FIBCD1: variants seen among roughly 807,000 people sequenced by gnomAD.
FIBCD1 encodes the protein fibrinogen C domain containing 1, also known as fibrinogen C domain-containing protein 1.
Under a neutral mutation model 45.1 loss-of-function variants are expected in FIBCD1, and 47 were observed. The observed-to-expected ratio is 1.04, with a 90% CI of 0.82 to 1.33. The LOEUF (loss-of-function observed/expected upper bound fraction) is 1.33. Among genes scored for constraint, FIBCD1 ranks in the 40% most tolerant of loss-of-function variants. The pLI, the probability that FIBCD1 is intolerant of heterozygous loss-of-function variation, is 0.00. For synonymous variants in FIBCD1, 313 were observed against 308.1 expected, an observed-to-expected ratio of 1.02 and a Z score of -0.17; for missense variants, 653 against 682.2, an observed-to-expected ratio of 0.96 and a Z score of 0.48.
intron 5 of FIBCD1, 34 bp downstream of exon 5, chr9:130,911,758 C>T: frequency 6.4e-7 from 1 of 1,564,234 alleles, no homozygotes; most frequent in East Asian, 2.4e-5. Context: ...GGGGAGGAGG[C>T]CCACCTGGGC....
chr9:130,908,433 C>T (rs1037523788), intron 5 of FIBCD1, among the ~76,000 whole-genome samples: 1 of 152,234 alleles, frequency 6.6e-6, no homozygotes, highest in African/African-American at 2.4e-5. Context: ...TGCCTTGGCC[C>T]TGCCGCCTTG....
At chr9:130,916,667 C>G (rs1298226269) in intron 4 of FIBCD1, among the ~76,000 whole-genome samples, 1 of 152,244 alleles carries the variant, frequency 6.6e-6, no homozygotes, top group East Asian at 1.9e-4. Context: ...TGGATGTGGC[C>G]AAGCACAGAG....
chr9:130,904,679 T>G (rs2133064364), intron 6 of FIBCD1, among the ~76,000 whole-genome samples: 1 of 152,162 alleles, frequency 6.6e-6, no homozygotes, highest in East Asian at 1.9e-4. Context: ...CACCACACTT[T>G]AGAGACCCAG....
intron 2 of FIBCD1, among the ~76,000 whole-genome samples, chr9:130,927,642 AGGG>A (rs1832381902): frequency 6.6e-6 from 1 of 152,160 alleles, no homozygotes. Flanking sequence ...GGGGGGCTGC[AGGG>A]GGTTGGGGAT....
At chr9:130,940,201 C>A (rs1466729372), upstream of FIBCD1, among the ~76,000 whole-genome samples, 2 of 152,192 alleles carry the variant, frequency 1.3e-5, no homozygotes, top group Admixed American at 1.3e-4. Context: ...GGGCCGCGTC[C>A]AGCCTGGGCT....
At chr9:130,911,958 C>T (rs552218149) in intron 4 of FIBCD1, 70 bp from the exon 5 acceptor site, 3 of 1,417,206 alleles carry the variant, frequency 2.1e-6, no homozygotes, top group East Asian at 5.0e-5. Flanking sequence ...CCTGGGCCCA[C>T]CCCGCCCAGA....
intron 2 of FIBCD1, among the ~76,000 whole-genome samples, chr9:130,925,224 AG>A (rs1466469766): frequency 2.0e-5 from 3 of 152,170 alleles, no homozygotes; most frequent in South Asian, 4.1e-4. Flanking sequence ...GGAGGACTTC[AG>A]GTTGTCATCT....
At chr9:130,913,882 G>C (rs1232844808) in intron 4 of FIBCD1, among the ~76,000 whole-genome samples, 1 of 152,142 alleles carries the variant, frequency 6.6e-6, no homozygotes, top group Non-Finnish European at 1.5e-5. Context: ...CCTCTGCCCT[G>C]GGGACTGGGG....
chr9:130,907,477 C>A (rs1831949716), intron 5 of FIBCD1, among the ~76,000 whole-genome samples: 1 of 152,200 alleles, frequency 6.6e-6, no homozygotes. Context: ...CGGCTCAAAT[C>A]GCCAAGAGCA....
chr9:130,933,088 G>A (rs763881084), intron 1 of FIBCD1, among the ~76,000 whole-genome samples: 7 of 152,234 alleles, frequency 4.6e-5, no homozygotes, highest in Admixed American at 1.3e-4. Flanking sequence ...CACCGAAATG[G>A]GGAGGGGCTC....
At chr9:130,937,396 C>T (rs961046547) in intron 1 of FIBCD1, among the ~76,000 whole-genome samples, 4 of 152,144 alleles carry the variant, frequency 2.6e-5, no homozygotes, top group Admixed American at 6.5e-5. Context: ...GATGTGGGAA[C>T]GCACTGGCCC....
chr9:130,904,353 CG>C, intron 6 of FIBCD1, 30 bp from the exon 7 acceptor site: 2 of 1,571,032 alleles, frequency 1.3e-6, no homozygotes. Context: ...GGTGTGGGCA[CG>C]GGGGGCACGG....
chr9:130,907,172 C>T (rs1430686427), intron 5 of FIBCD1, among the ~76,000 whole-genome samples: 2 of 152,016 alleles, frequency 1.3e-5, no homozygotes, highest in African/African-American at 4.8e-5. Flanking sequence ...TGGCCATTGG[C>T]ACCCAAAGGC....
At chr9:130,907,689 G>A (rs1027649110) in intron 5 of FIBCD1, among the ~76,000 whole-genome samples, 4 of 152,156 alleles carry the variant, frequency 2.6e-5, no homozygotes, top group Non-Finnish European at 5.9e-5. Flanking sequence ...CACGAGGTCA[G>A]GAGTTCGAGA....
intron 2 of FIBCD1, 85 bp from the exon 3 acceptor site, chr9:130,924,481 G>A (rs1355089240): frequency 7.6e-7 from 1 of 1,318,066 alleles, no homozygotes; most frequent in Non-Finnish European, 1.0e-6. Context: ...GGCCAGAGTG[G>A]GCCCTCTCCT....
At chr9:130,916,577 C>G (rs1032181305) in intron 4 of FIBCD1, among the ~76,000 whole-genome samples, 5 of 152,232 alleles carry the variant, frequency 3.3e-5, no homozygotes, top group Admixed American at 1.3e-4. Context: ...TGACTCTGAG[C>G]CCAGGATAAA....
chr9:130,907,199 T>G (rs1831943832), intron 5 of FIBCD1, among the ~76,000 whole-genome samples: 1 of 149,764 alleles, frequency 6.7e-6, no homozygotes, highest in Admixed American at 6.6e-5. Flanking sequence ...TAGCCACTCC[T>G]CTGGGTTGAG....
chr9:130,909,456 G>A (rs2133072125), intron 5 of FIBCD1, among the ~76,000 whole-genome samples: 1 of 152,306 alleles, frequency 6.6e-6, no homozygotes, highest in South Asian at 2.1e-4. Flanking sequence ...GCTCCCGGGG[G>A]TACAGGGTTT....
intron 4 of FIBCD1, among the ~76,000 whole-genome samples, chr9:130,912,195 A>G (rs1588105418): frequency 1.3e-5 from 2 of 151,344 alleles, no homozygotes; most frequent in Non-Finnish European, 3.0e-5. Flanking sequence ...CCAGCAAGGA[A>G]GGCTGAGCCC....
Sources: gnomAD v4.1 joint callset for allele counts (sites outside exome capture counted in the v4.1 genomes callset) on GRCh38, gnomAD v4.1.1 for gene constraint, MANE v1.5 for transcripts, NCBI Gene and HGNC (gene_info 2026-07-23, HGNC 2026-07-21) for gene names.